Variants in COL4A6 observed in about 807,000 individuals in gnomAD.
COL4A6 encodes the protein collagen type IV alpha 6 chain.
In COL4A6, 59 loss-of-function variants were observed where a neutral mutation model predicts 126.7. The observed-to-expected ratio is 0.47, with a 90% confidence interval of 0.38 to 0.58. The LOEUF is 0.58. Among genes scored for constraint, COL4A6 ranks in the 20% least tolerant of loss-of-function variants. COL4A6 has a pLI of 0.00. For synonymous variants in COL4A6, 547 were observed against 496.6 expected, an observed-to-expected ratio of 1.10 and a Z score of -1.35; for missense variants, 1,285 against 1,337.3, an observed-to-expected ratio of 0.96 and a Z score of 0.61.
At chrX:108,277,206 G>A (rs750508027) in intron 3 of COL4A6, among the ~76,000 whole-genome samples, 22 of 111,946 alleles carry the variant, frequency 2.0e-4, no homozygotes, top group South Asian at 7.5e-4. Context: ...CTCGGGAAGC[G>A]TAAGGGGTCA....
At chrX:108,357,255 C>T (rs1185613839) in intron 2 of COL4A6, among the ~76,000 whole-genome samples, 2 of 111,346 alleles carry the variant, frequency 1.8e-5, no homozygotes, top group African/African-American at 6.5e-5. Context: ...AGAGTCTTAT[C>T]ATTATACACA....
rs774747251 is a variant in COL4A6 at position 108,231,540 on chromosome X, T to C, written c.145-10166A>G. Among the ~76,000 whole-genome samples the C allele has an allele frequency of 6.2e-5, 7 of 112,262 alleles. No individual in the cohort carries two copies. In the South Asian group the frequency reaches 2.6e-3, roughly 42 times the overall value. Reference sequence around the variant, plus strand: ...AACAGCCCCAACAGGTGGGTATTAATCTCATTTTACAGATGAGGAAACTCA... The same window carrying C: ...AACAGCCCCAACAGGTGGGTATTAACCTCATTTTACAGATGAGGAAACTCA... On this transcript the variant is annotated intron_variant, in intron 3 of 44. Coordinates refer to ENST00000334504, the MANE Select transcript of COL4A6 (RefSeq NM_033641.4).
At chrX:108,245,160 C>T (rs982459873) in intron 3 of COL4A6, among the ~76,000 whole-genome samples, 1 of 112,313 alleles carries the variant, frequency 8.9e-6, no homozygotes, top group Non-Finnish European at 1.9e-5. Flanking sequence ...CAGAAGGGTG[C>T]GTGCATGTGT....
At chrX:108,250,616 C>T (rs1286161081) in intron 3 of COL4A6, among the ~76,000 whole-genome samples, 1 of 110,812 alleles carries the variant, frequency 9.0e-6, no homozygotes, top group Non-Finnish European at 1.9e-5. Flanking sequence ...ACAATACAAT[C>T]AAGGCTTAAG....
At chrX:108,218,190 G>A (rs915362451) in intron 5 of COL4A6, among the ~76,000 whole-genome samples, 4 of 112,401 alleles carry the variant, frequency 3.6e-5, no homozygotes, top group Admixed American at 2.8e-4. Flanking sequence ...ATACTAAGAC[G>A]GAAAGCTCCA....
At chrX:108,282,956 A>G (rs1388072175) in intron 3 of COL4A6, among the ~76,000 whole-genome samples, 1 of 90,554 alleles carries the variant, frequency 1.1e-5, no homozygotes, top group African/African-American at 4.2e-5. Flanking sequence ...ATGAGAACAC[A>G]TGGACACAGG....
At chrX:108,300,724 C>CGTGTGTGTGTGT (rs58203884) in intron 3 of COL4A6, among the ~76,000 whole-genome samples, 20,072 of 92,061 alleles carry the variant, frequency 0.22, 2,034 homozygotes, top group East Asian at 0.38. Flanking sequence ...CAAACATTGG[C>CGTGTGTGTGTGT]GTGTGTGTGT....
chrX:108,311,429 C>G (rs141925219), intron 2 of COL4A6, among the ~76,000 whole-genome samples: 3,369 of 109,896 alleles, frequency 0.031, 128 homozygotes, highest in African/African-American at 0.11. Flanking sequence ...TCTGATTGAT[C>G]GTGATGATTG....
Position 108,186,969 on chromosome X carries a change from G to C in COL4A6, c.1951+127C>G, listed in dbSNP as rs1025766097. 7 of 529,282 alleles carry C rather than the reference G, an allele frequency of 1.3e-5. No individual in the cohort carries two copies. The African/African-American group carries it at 1.4e-4, about 11-fold the overall frequency. 43.6% of individuals were successfully genotyped at this position (529,282 alleles called of 1,213,427 possible). On this transcript the variant is annotated intron_variant, in intron 23 of 44. Coordinates refer to ENST00000334504, the MANE Select transcript of COL4A6 (RefSeq NM_033641.4). ...CTTTTTTTCACATGCAAATCCTTCA[G>C]GGGGTTGAAAGTAGTGATTATGGTC...
intron 3 of COL4A6, among the ~76,000 whole-genome samples, chrX:108,300,036 T>C (rs1328375097): frequency 1.8e-5 from 2 of 111,694 alleles, no homozygotes; most frequent in East Asian, 5.6e-4. Flanking sequence ...ACCCTTTGAG[T>C]TGGTCTTTCT....
intron 2 of COL4A6, among the ~76,000 whole-genome samples, chrX:108,369,072 T>C (rs2040267631): frequency 8.9e-6 from 1 of 112,102 alleles, no homozygotes; most frequent in South Asian, 3.7e-4. Flanking sequence ...TTACCAAGTA[T>C]CATGGCTGTA....
chrX:108,384,767 TGA>T (rs2040645774), intron 2 of COL4A6, among the ~76,000 whole-genome samples: 3 of 112,103 alleles, frequency 2.7e-5, no homozygotes, highest in Non-Finnish European at 5.6e-5. Context: ...CATTTTAAGA[TGA>T]GGAAATAAGA....
intron 2 of COL4A6, among the ~76,000 whole-genome samples, chrX:108,351,156 G>A (rs1013327670): frequency 9.0e-6 from 1 of 111,236 alleles, no homozygotes; most frequent in Non-Finnish European, 1.9e-5. Flanking sequence ...TACTGTCATC[G>A]TCCAAAGAAT....
At chrX:108,250,961 G>T (rs1049930204) in intron 3 of COL4A6, among the ~76,000 whole-genome samples, 1 of 111,334 alleles carries the variant, frequency 9.0e-6, no homozygotes, top group Non-Finnish European at 1.9e-5. Context: ...ACTGTTCAGT[G>T]GCTGGCAGGC....
chrX:108,216,897 G>T (rs908114057), intron 5 of COL4A6, among the ~76,000 whole-genome samples: 1 of 112,692 alleles, frequency 8.9e-6, no homozygotes, highest in African/African-American at 3.2e-5. Context: ...TTGACTCCAT[G>T]GGGAAAGCTA....
chrX:108,275,390 C>T (rs1369796431), intron 3 of COL4A6, among the ~76,000 whole-genome samples: 1 of 112,176 alleles, frequency 8.9e-6, no homozygotes, highest in African/African-American at 3.2e-5. Flanking sequence ...CATATTTATC[C>T]TGTGTTTTCC....
intron 3 of COL4A6, among the ~76,000 whole-genome samples, chrX:108,270,548 A>T (rs1241972152): frequency 2.7e-5 from 3 of 112,180 alleles, no homozygotes; most frequent in Non-Finnish European, 3.8e-5. Flanking sequence ...CCCAGTCCAG[A>T]CTGACTGATG....
chrX:108,277,249 G>C (rs183813505), intron 3 of COL4A6, among the ~76,000 whole-genome samples: 1,503 of 111,876 alleles, frequency 0.013, 22 homozygotes, highest in African/African-American at 0.046. Flanking sequence ...AGAAAGGGGT[G>C]ACAGACGGCA....
chrX:108,285,913 G>T (rs1373206786), intron 3 of COL4A6, among the ~76,000 whole-genome samples: 3 of 111,708 alleles, frequency 2.7e-5, no homozygotes, highest in Admixed American at 9.5e-5. Context: ...ATAGAAAAGG[G>T]TTGTATCTAT....
Sources: allele counts gnomAD v4.1 joint callset (sites outside exome capture counted in the v4.1 genomes callset), GRCh38; gene constraint gnomAD v4.1.1; transcripts MANE v1.5; gene names NCBI Gene and HGNC (gene_info 2026-07-23, HGNC 2026-07-21).